Variants in SNX18 observed in about 807,000 individuals in gnomAD.
SNX18 encodes the protein sorting nexin-18.
SNX18 carries 35 observed loss-of-function variants against 48.7 expected under a neutral mutation model. That is an observed-to-expected ratio of 0.72 (90% CI 0.55 to 0.95). The LOEUF (loss-of-function observed/expected upper bound fraction) is 0.95, where lower values mean the gene tolerates loss of function less well. SNX18 is among the 40% of genes least tolerant of loss of function. SNX18 has a pLI of 0.00. For missense variants in SNX18, 824 were observed against 871.0 expected (o/e 0.95, Z 0.68); for synonymous variants, 492 against 384.7 (o/e 1.28, Z -3.26).
chr5:54,625,792 CCA>C, the SNX18 span, among the ~76,000 whole-genome samples: 1 of 152,158 alleles, frequency 6.6e-6, no homozygotes, highest in Middle Eastern at 3.4e-3. Context: ...GGCACATGAT[CCA>C]AACCTGGCCA....
rs965331258 is a variant in SNX18 at position 54,520,146 on chromosome 5, C to T, written c.1621+573C>T. 54 of 291,554 alleles carry T rather than the reference C, an allele frequency of 1.9e-4. No homozygotes were observed. In the East Asian group the frequency reaches 3.4e-3, roughly 18 times the overall value. 18.1% of individuals were successfully genotyped at this position (291,554 alleles called of 1,614,324 possible). Reference sequence around the variant, plus strand: ...CGAAGTGAAGTAATTTCAGGAAAAGCGTACTCATTTTGAGTTTGAAATCTA... The same window carrying T: ...CGAAGTGAAGTAATTTCAGGAAAAGTGTACTCATTTTGAGTTTGAAATCTA... On this transcript the variant is annotated intron_variant, in intron 1 of 1. Transcript: ENST00000381410.
At chr5:54,572,473 A>C in the SNX18 span, among the ~76,000 whole-genome samples, 1 of 152,050 alleles carries the variant, frequency 6.6e-6, no homozygotes, top group African/African-American at 2.4e-5. Flanking sequence ...CATAATCACC[A>C]CACAGTCAAA....
At chr5:54,592,959 C>T in the SNX18 span, among the ~76,000 whole-genome samples, 1 of 152,138 alleles carries the variant, frequency 6.6e-6, no homozygotes, top group Admixed American at 6.5e-5. Context: ...TGCCACCACA[C>T]CTTGCTAATT....
the SNX18 span, among the ~76,000 whole-genome samples, chr5:54,639,462 A>G: frequency 6.6e-6 from 1 of 152,224 alleles, no homozygotes; most frequent in Non-Finnish European, 1.5e-5. Context: ...AGCCAATGTC[A>G]CTTCCAGTTC....
At chr5:54,527,209 C>T (rs1398150841) in intron 1 of SNX18, among the ~76,000 whole-genome samples, 1 of 152,102 alleles carries the variant, frequency 6.6e-6, no homozygotes, top group Non-Finnish European at 1.5e-5. Flanking sequence ...TATTAACAGA[C>T]TTAGTCCAGA....
the SNX18 span, among the ~76,000 whole-genome samples, chr5:54,600,746 A>T: frequency 6.6e-6 from 1 of 152,180 alleles, no homozygotes. Context: ...CAAAGGCCAC[A>T]TGTTCTCACT....
rs537853398 is a variant in SNX18 at position 54,534,606 on chromosome 5, T to C, written c.1622-8573T>C. On this transcript the variant is annotated intron_variant, in intron 1 of 1. Transcript: ENST00000381410. Reference sequence around the variant, plus strand: ...TTTCCCCCTGTCTCACTTTGATGGGTCAGAAGTTTCCAGGAAAGTTCTGGT... The same window carrying C: ...TTTCCCCCTGTCTCACTTTGATGGGCCAGAAGTTTCCAGGAAAGTTCTGGT... Among the ~76,000 whole-genome samples the C allele has an allele frequency of 6.6e-4, 101 of 151,948 alleles. No homozygotes were observed. The South Asian group carries it at 0.011, about 16-fold the overall frequency.
At chr5:54,558,547 A>T in the SNX18 span, among the ~76,000 whole-genome samples, 1 of 152,208 alleles carries the variant, frequency 6.6e-6, no homozygotes, top group Non-Finnish European at 1.5e-5. Context: ...TGGACAAAGG[A>T]AATGCTCCAC....
chr5:54,632,414 G>A, the SNX18 span, among the ~76,000 whole-genome samples: 3 of 152,224 alleles, frequency 2.0e-5, no homozygotes, highest in Non-Finnish European at 4.4e-5. Context: ...CAGCAGGAAT[G>A]GAAACTGGGC....
chr5:54,517,830 G>T lies in SNX18; in HGVS notation c.-123G>T. ...GGCGCGACCGGCTGGTCCGGGCAGCGTGGGTTTGCCGCCTTCGGGGCTCCA... is the reference window on the plus strand; with the variant it reads ...GGCGCGACCGGCTGGTCCGGGCAGCTTGGGTTTGCCGCCTTCGGGGCTCCA... On this transcript the variant is annotated 5_prime_UTR_variant, in exon 1 of 2. Transcript: ENST00000381410. 9.3e-7 allele frequency: 1 copy of T among 1,076,828 alleles called. No homozygotes were observed. The highest frequency in any genetic ancestry group is 1.2e-6 in the Non-Finnish European group (1 of 824,420). The allele number at this position is 1,076,828 out of a possible 1,614,324, so 66.7% of individuals were successfully genotyped here.
the SNX18 span, among the ~76,000 whole-genome samples, chr5:54,566,577 C>G: frequency 6.6e-6 from 1 of 152,178 alleles, no homozygotes; most frequent in Non-Finnish European, 1.5e-5. Flanking sequence ...AAGTTTATTT[C>G]TTCTTCATGT....
the SNX18 span, among the ~76,000 whole-genome samples, chr5:54,646,817 CAAGAGGAAGTGCCCTTCCCTG>C: frequency 6.6e-6 from 1 of 152,154 alleles, no homozygotes; most frequent in African/African-American, 2.4e-5. Context: ...CCTACAAATG[CAAGAGGAAGTGCCCTTCCCTG>C]AACAGAAATC....
At chr5:54,536,084 C>G (rs1362569011) in intron 1 of SNX18, among the ~76,000 whole-genome samples, 1 of 152,172 alleles carries the variant, frequency 6.6e-6, no homozygotes, top group East Asian at 1.9e-4. Flanking sequence ...TCACAGAGAT[C>G]CCCTGAAGAA....
chr5:54,569,796 T>C, the SNX18 span, among the ~76,000 whole-genome samples: 1 of 152,166 alleles, frequency 6.6e-6, no homozygotes, highest in Non-Finnish European at 1.5e-5. Flanking sequence ...GCCTTAGGCT[T>C]GGAAGACATA....
chr5:54,630,090 A>G, the SNX18 span, among the ~76,000 whole-genome samples: 1 of 152,316 alleles, frequency 6.6e-6, no homozygotes. Context: ...CCCATTGTCT[A>G]TACAACACCT....
At chr5:54,630,531 T>G in the SNX18 span, among the ~76,000 whole-genome samples, 5 of 152,142 alleles carry the variant, frequency 3.3e-5, no homozygotes, top group African/African-American at 9.7e-5. Context: ...TCTTTTGCCC[T>G]TGAACTAAAG....
At chr5:54,591,422 C>T in the SNX18 span, among the ~76,000 whole-genome samples, 4 of 152,196 alleles carry the variant, frequency 2.6e-5, no homozygotes, top group Non-Finnish European at 5.9e-5. Flanking sequence ...AACTCCTTGG[C>T]CCAAACAATC....
At chr5:54,570,087 G>A in the SNX18 span, among the ~76,000 whole-genome samples, 1 of 152,222 alleles carries the variant, frequency 6.6e-6, no homozygotes, top group African/African-American at 2.4e-5. Flanking sequence ...AACTTAAGAT[G>A]AGGGTATACT....
intron 1 of SNX18, among the ~76,000 whole-genome samples, chr5:54,533,637 C>G (rs144177192): frequency 1.3e-5 from 2 of 152,276 alleles, no homozygotes; most frequent in East Asian, 3.9e-4. Flanking sequence ...CACTTTCTGC[C>G]TCTGAAAATG....
Sources: allele counts gnomAD v4.1 joint callset (sites outside exome capture counted in the v4.1 genomes callset), GRCh38; gene constraint gnomAD v4.1.1; transcripts MANE v1.5; gene names NCBI Gene and HGNC (gene_info 2026-07-23, HGNC 2026-07-21).